FLT3: variants seen among roughly 807,000 people sequenced by gnomAD.
FLT3 encodes fms related receptor tyrosine kinase 3.
FLT3 carries 46 observed loss-of-function variants against 126.6 expected under a neutral mutation model. The observed-to-expected ratio is 0.36, with a 90% CI of 0.29 to 0.46. FLT3 has a LOEUF of 0.46. Among genes scored for constraint, FLT3 ranks in the 20% least tolerant of loss-of-function variants. FLT3 has a pLI of 1.00. For missense variants in FLT3, 1,069 were observed against 1,190.3 expected, an observed-to-expected ratio of 0.90 and a Z score of 1.50; for synonymous variants, 404 against 434.4, an observed-to-expected ratio of 0.93 and a Z score of 0.87.
chr13:28,030,134 C>A (rs1161106606), intron 15 of FLT3, among the ~76,000 whole-genome samples: 2 of 152,166 alleles, frequency 1.3e-5, no homozygotes, highest in African/African-American at 2.4e-5. Flanking sequence ...GCATCCTAAC[C>A]TTTATAGTGG....
intron 1 of FLT3, among the ~76,000 whole-genome samples, chr13:28,076,682 C>A (rs1877945499): frequency 2.0e-5 from 3 of 152,296 alleles, no homozygotes; most frequent in Middle Eastern, 3.4e-3. Flanking sequence ...AATCTCAGCA[C>A]TTTGGGAGGC....
At position 28,027,319 on chromosome 13, in the gene FLT3, A is replaced by T. The variant is rs1872899504; in HGVS notation, c.2054-78T>A. On this transcript the variant is annotated intron_variant, in intron 16 of 23. Coordinates refer to ENST00000241453, the MANE Select transcript of FLT3 (RefSeq NM_004119.3). ...CAGAAGTCTATGTAGCAGACAACAT[A>T]CTCTTAGGAGGGCTTGGTTCTCTGC... The T allele has an allele frequency of 2.5e-6, 3 of 1,202,750 alleles. No homozygotes were observed. In the African/African-American group the frequency reaches 4.5e-5, roughly 18 times the overall value. 74.5% of individuals were successfully genotyped at this position (1,202,750 alleles called of 1,614,324 possible).
chr13:28,058,581 A>C (rs1290235702), intron 3 of FLT3, among the ~76,000 whole-genome samples: 1 of 152,244 alleles, frequency 6.6e-6, no homozygotes, highest in Non-Finnish European at 1.5e-5. Context: ...TTAACTGTGC[A>C]AAGTGTAGTC....
At chr13:28,022,520 A>G (rs1159649230) in intron 19 of FLT3, among the ~76,000 whole-genome samples, 1 of 152,146 alleles carries the variant, frequency 6.6e-6, no homozygotes, top group Non-Finnish European at 1.5e-5. Context: ...CAAAAACAAA[A>G]CAAAACAAAA....
chr13:28,042,805 C>G (rs1874505921), intron 9 of FLT3, among the ~76,000 whole-genome samples: 1 of 150,288 alleles, frequency 6.7e-6, no homozygotes, highest in Non-Finnish European at 1.5e-5. Flanking sequence ...TGGTATTTCT[C>G]TAGACTCAAA....
rs185663310 is a variant in FLT3, at chr13:28,088,741, C to G, written c.43+11727G>C. Reference sequence around the variant, plus strand: ...CTGGGATTACAGGCGCCCACCACCACGCCCAGCTAATTTTTTTGTTTTTTC... The same window carrying G: ...CTGGGATTACAGGCGCCCACCACCAGGCCCAGCTAATTTTTTTGTTTTTTC... On this transcript the variant is annotated intron_variant, in intron 1 of 23. Transcript: ENST00000241453. Among the ~76,000 whole-genome samples the G allele has an allele frequency of 5.8e-4, 88 of 151,696 alleles. 1 individual carries two copies. In the East Asian group the frequency reaches 0.016, roughly 27 times the overall value.
intron 12 of FLT3, 23 bp from the exon 13 acceptor site, chr13:28,034,430 A>G: frequency 6.6e-7 from 1 of 1,523,432 alleles, no homozygotes; most frequent in South Asian, 1.1e-5. Context: ...AGTGTCACTC[A>G]GCGATGAAAC....
chr13:28,005,716 C>A (rs1422794734), intron 23 of FLT3, among the ~76,000 whole-genome samples: 1 of 152,154 alleles, frequency 6.6e-6, no homozygotes, highest in Non-Finnish European at 1.5e-5. Flanking sequence ...CAAGGCCAGG[C>A]TGCCCTGCAG....
At chr13:28,088,484 T>C (rs1489818481) in intron 1 of FLT3, among the ~76,000 whole-genome samples, 1 of 151,952 alleles carries the variant, frequency 6.6e-6, no homozygotes, top group Admixed American at 6.6e-5. Context: ...GACAGGGTTT[T>C]GCCATGTTGG....
At position 28,100,453 on chromosome 13, in the gene FLT3, C is replaced by T; in HGVS notation, c.43+15G>A. The T allele has an allele frequency of 8.2e-7, 1 of 1,216,384 alleles. No individual in the cohort carries two copies. The highest frequency in any genetic ancestry group is 1.0e-6 in the Non-Finnish European group (1 of 978,026). 75.3% of individuals were successfully genotyped at this position (1,216,384 alleles called of 1,614,324 possible). A position where few individuals can be genotyped will look rare whatever the true frequency, so the allele number is the denominator to read the frequency against. ...GGGACCGCGAGGGGCTGCGAGCGAG[C>T]GAGCGGGGCCTTACCGAGCAGCGGC... On this transcript the variant is annotated intron_variant, in intron 1 of 23. Coordinates refer to ENST00000241453, the MANE Select transcript of FLT3 (RefSeq NM_004119.3). The surrounding 1 kb of genome is among the most constrained non-coding windows in gnomAD (Gnocchi z 4.8).
chr13:28,043,522 A>T (rs535677871), intron 9 of FLT3, among the ~76,000 whole-genome samples: 146 of 152,316 alleles, frequency 9.6e-4, no homozygotes, highest in African/African-American at 2.7e-3. Flanking sequence ...ACAGATTTTT[A>T]AAAAATTGTA....
intron 23 of FLT3, 35 bp from the exon 24 acceptor site, chr13:28,004,209 A>G: frequency 6.2e-7 from 1 of 1,610,482 alleles, no homozygotes; most frequent in Admixed American, 1.7e-5. Flanking sequence ...ACTGATTACC[A>G]TCTGATGTAG....
chr13:28,021,747 A>AT (rs988620754), intron 19 of FLT3, among the ~76,000 whole-genome samples: 158 of 145,484 alleles, frequency 1.1e-3, no homozygotes, highest in Middle Eastern at 3.5e-3. Flanking sequence ...TTTTTAATTA[A>AT]TTTTTTTTTT....
At position 28,028,165 on chromosome 13, in the gene FLT3, G is replaced by A; in HGVS notation, c.2053+13C>T. The A allele has an allele frequency of 7.3e-7, 1 of 1,362,366 alleles. No homozygotes were observed. Among genetic ancestry groups the A allele is most frequent in the Non-Finnish European group, 1.1e-6 (1 of 951,094 alleles). 84.4% of individuals were successfully genotyped at this position (1,362,366 alleles called of 1,614,324 possible). ...GTCTTTTTGATGAGGTGATTTTCGT[G>A]GAAGTGGGTTACCTGACAGTGTGCA... is the stretch of plus-strand genomic sequence containing the variant. On this transcript the variant is annotated intron_variant, in intron 16 of 23. Transcript: ENST00000241453.
At chr13:28,073,586 A>C (rs9581973) in intron 1 of FLT3, among the ~76,000 whole-genome samples, 26,879 of 152,056 alleles carry the variant, frequency 0.18, 2,442 homozygotes, top group Middle Eastern at 0.26. Context: ...GCACATTAAA[A>C]GTATACAATT....
At chr13:28,039,437 G>C (rs1159361624) in intron 9 of FLT3, among the ~76,000 whole-genome samples, 3 of 151,898 alleles carry the variant, frequency 2.0e-5, no homozygotes, top group African/African-American at 4.8e-5. Flanking sequence ...TCTTGACCTA[G>C]TGATCCACCC....
At chr13:28,018,353 T>C in intron 20 of FLT3, 114 bp downstream of exon 20, 3 of 1,204,152 alleles carry the variant, frequency 2.5e-6, no homozygotes, top group Non-Finnish European at 3.6e-6. Flanking sequence ...GCTGTGAGGG[T>C]TTTTTGATGT....
chr13:28,008,113 G>A (rs1871069601), intron 23 of FLT3, among the ~76,000 whole-genome samples: 1 of 151,910 alleles, frequency 6.6e-6, no homozygotes, highest in Non-Finnish European at 1.5e-5. Flanking sequence ...GGGAGGCTGA[G>A]GCAGGAGGAT....
At chr13:28,066,508 T>C (rs1877050609) in intron 2 of FLT3, among the ~76,000 whole-genome samples, 1 of 152,124 alleles carries the variant, frequency 6.6e-6, no homozygotes, top group Non-Finnish European at 1.5e-5. Flanking sequence ...TGGAAAAAGA[T>C]GAGGAGATGT....
Sources: gnomAD v4.1 joint callset for allele counts (sites outside exome capture counted in the v4.1 genomes callset) on GRCh38, gnomAD v4.1.1 for gene constraint, Gnocchi (gnomAD v3.1) non-coding constraint, MANE v1.5 for transcripts, NCBI Gene and HGNC (gene_info 2026-07-23, HGNC 2026-07-21) for gene names.